Variants in ACSM2B observed in about 807,000 individuals in gnomAD.
The protein encoded by ACSM2B is acyl-CoA synthetase medium chain family member 2B.
A neutral mutation model predicts 78.6 loss-of-function variants in ACSM2B; 58 were observed. The ratio of observed to expected loss-of-function variants is 0.74; its 90% CI spans 0.60 to 0.92. ACSM2B has a LOEUF of 0.92. Ranked by LOEUF, ACSM2B falls within the 40% of genes least tolerant of loss-of-function variation. ACSM2B has a pLI of 0.00. For missense variants in ACSM2B, 688 were observed against 711.2 expected, an observed-to-expected ratio of 0.97 and a Z score of 0.37; for synonymous variants, 257 against 256.8, an observed-to-expected ratio of 1.00 and a Z score of -0.01.
chr16:20,565,176 A>T (rs772616295), intron 1 of ACSM2B, among the ~76,000 whole-genome samples: 1 of 152,158 alleles, frequency 6.6e-6, no homozygotes, highest in Admixed American at 6.6e-5. Context: ...TGTTCCCAGC[A>T]ATTCACTCCC....
In ACSM2B at chr16:20,559,369, G is replaced by C. The variant is rs778557354; in HGVS notation, c.256C>G (p.Leu86Val). ...GKELMWNFRE[L>V]SENSQQAANI... is the part of the protein sequence containing the mutation. Reference sequence around the variant, plus strand: ...GCTGCCTGCTGGCTGTTTTCACTCAGTTCTCTGAAATTCCACATTAATTCC... The same window carrying C: ...GCTGCCTGCTGGCTGTTTTCACTCACTTCTCTGAAATTCCACATTAATTCC... The change falls in exon 3 of 14, where the codon CTG becomes GTG. Residue 86 changes from leucine to valine, a missense_variant. Leu to Val is a conservative substitution (Grantham distance 32). Coordinates refer to ENST00000329697, the MANE Select transcript of ACSM2B (RefSeq NM_001105069.2). 27 of 1,611,552 alleles carry C rather than the reference G, an allele frequency of 1.7e-5. No individual in the cohort carries two copies. The Admixed American group carries it at 2.5e-4, about 15-fold the overall frequency.
intron 13 of ACSM2B, among the ~76,000 whole-genome samples, chr16:20,539,152 A>G (rs2014922555): frequency 6.8e-6 from 1 of 147,374 alleles, no homozygotes; most frequent in Non-Finnish European, 1.5e-5. Flanking sequence ...ACTAAGTCAC[A>G]GTGCAACCTC....
At chr16:20,568,190 A>G (rs1567219836) in intron 1 of ACSM2B, among the ~76,000 whole-genome samples, 1 of 143,692 alleles carries the variant, frequency 7.0e-6, no homozygotes, top group African/African-American at 2.5e-5. Context: ...TATTATATAT[A>G]TTATATAAAA....
chr16:20,545,022 C>T (rs1170676579), intron 10 of ACSM2B, 135 bp downstream of exon 10: 2 of 1,238,912 alleles, frequency 1.6e-6, no homozygotes, highest in East Asian at 2.7e-5. Flanking sequence ...GCAAAGCATA[C>T]ATTCTTGAAA....
rs376720596 is a variant in ACSM2B at position 20,545,148 on chromosome 16, G to A, written c.1281+9C>T. On this transcript the variant is annotated intron_variant, in intron 10 of 13. Transcript: ENST00000329697. ...TGGGGAACAGAGGAGGAGAAGCACA[G>A]TTTCTCACCACATAGCCAGAGAAGA... 3.7e-5 allele frequency: 59 copies of A among 1,609,652 alleles called. No individual in the cohort carries two copies. The highest frequency in any genetic ancestry group is 4.3e-5 in the Non-Finnish European group (51 of 1,176,934).
intron 2 of ACSM2B, among the ~76,000 whole-genome samples, chr16:20,561,949 T>A (rs71384483): frequency 0.17 from 9,413 of 55,786 alleles, 386 homozygotes; most frequent in South Asian, 0.34. Flanking sequence ...CACCTATGAG[T>A]GAGAACATGC....
At position 20,544,941 on chromosome 16, in the gene ACSM2B, A is replaced by C. The variant is rs370618146; in HGVS notation, c.1281+216T>G. On this transcript the variant is annotated intron_variant, in intron 10 of 13. Transcript: ENST00000329697. ...GAGTCTAAGGGCTAACTGAAGAAAA[A>C]TAAGTCTTCCAATGAGATCACAGTG... 2.8e-5 allele frequency: 30 copies of C among 1,061,360 alleles called. No homozygotes were observed. In the African/African-American group the frequency reaches 4.2e-4, roughly 15 times the overall value. The allele number at this position is 1,061,360 out of a possible 1,614,324, so 65.7% of individuals were successfully genotyped here.
chr16:20,571,140 G>C (rs1339846392), intron 1 of ACSM2B, among the ~76,000 whole-genome samples: 1 of 151,818 alleles, frequency 6.6e-6, no homozygotes, highest in Non-Finnish European at 1.5e-5. Context: ...TGTTTGTCTA[G>C]TTCCTTGAGG....
intron 12 of ACSM2B, 113 bp from the exon 13 acceptor site, chr16:20,540,886 C>T: frequency 1.4e-6 from 2 of 1,438,162 alleles, no homozygotes; most frequent in African/African-American, 1.4e-5. Flanking sequence ...CTCATTTGCA[C>T]CCCCGGTGAT....
chr16:20,540,802 AG>A (rs769727175), intron 12 of ACSM2B, 29 bp from the exon 13 acceptor site: 1 of 1,609,450 alleles, frequency 6.2e-7, no homozygotes, highest in South Asian at 1.1e-5. Context: ...CCAAGAGATA[AG>A]GGATTAGAGT....
chr16:20,563,010 A>G (rs1434181585), intron 2 of ACSM2B, among the ~76,000 whole-genome samples: 4 of 152,042 alleles, frequency 2.6e-5, no homozygotes, highest in African/African-American at 9.7e-5. Flanking sequence ...TTCCCAACCA[A>G]TCAGTAGCAC....
intron 12 of ACSM2B, 86 bp downstream of exon 12, chr16:20,542,828 C>T: frequency 1.3e-6 from 2 of 1,534,390 alleles, no homozygotes; most frequent in Admixed American, 1.9e-5. Context: ...GAGTGTTCAG[C>T]CCCACAGTCC....
At chr16:20,575,184 C>T (rs958686820) in intron 1 of ACSM2B, among the ~76,000 whole-genome samples, 23 of 151,620 alleles carry the variant, frequency 1.5e-4, no homozygotes, top group Non-Finnish European at 2.9e-4. Flanking sequence ...GAACTCCATC[C>T]TTAATATTCT....
At chr16:20,559,841 T>C (rs571307295) in intron 2 of ACSM2B, among the ~76,000 whole-genome samples, 2 of 151,140 alleles carry the variant, frequency 1.3e-5, no homozygotes, top group African/African-American at 4.9e-5. Context: ...TAGAATAACA[T>C]TGGATCCTCT....
chr16:20,542,854 C>T, intron 12 of ACSM2B, 60 bp downstream of exon 12: 1 of 1,602,690 alleles, frequency 6.2e-7, no homozygotes, highest in Non-Finnish European at 8.5e-7. Context: ...CTTAAACCAT[C>T]ATACTACACT....
At chr16:20,544,417 G>C in intron 10 of ACSM2B, 6 of 364,632 alleles carry the variant, frequency 1.6e-5, no homozygotes, top group Non-Finnish European at 2.3e-5. Flanking sequence ...AGGGTGGCTG[G>C]GAGGATTAAA....
intron 13 of ACSM2B, among the ~76,000 whole-genome samples, chr16:20,540,098 C>A (rs182684821): frequency 6.6e-6 from 1 of 152,270 alleles, no homozygotes; most frequent in South Asian, 2.1e-4. Flanking sequence ...AGAACTTATT[C>A]CCTTGACAGC....
chr16:20,566,698 GTATATATATAGTATATATAGTATATAC>G (rs2015876912), intron 1 of ACSM2B, among the ~76,000 whole-genome samples: 5 of 5,440 alleles, frequency 9.2e-4, no homozygotes, highest in African/African-American at 2.9e-3. Flanking sequence ...ACTATATATA[GTATATATATAGTATATATAGTATATAC>G]TATATATAGT....
intron 10 of ACSM2B, among the ~76,000 whole-genome samples, chr16:20,543,551 A>G (rs184596925): frequency 1.3e-5 from 2 of 152,312 alleles, no homozygotes; most frequent in Non-Finnish European, 1.5e-5. Context: ...ATTTTCCCCA[A>G]TTGATTCCAT....
Sources: gnomAD v4.1 joint callset for allele counts (sites outside exome capture counted in the v4.1 genomes callset) on GRCh38, gnomAD v4.1.1 for gene constraint, MANE v1.5 for transcripts, NCBI Gene and HGNC (gene_info 2026-07-23, HGNC 2026-07-21) for gene names.